FANCI: variants seen among roughly 807,000 people sequenced by gnomAD.
FANCI encodes Fanconi anemia group I protein.
A neutral mutation model predicts 176.1 loss-of-function variants in FANCI; 156 were observed. The observed-to-expected ratio is 0.89, with a 90% CI of 0.78 to 1.01. The LOEUF is 1.01. Among genes scored for constraint, FANCI ranks in the 50% least tolerant of loss-of-function variants. The probability of loss-of-function intolerance (pLI) is 0.00; values close to 1 mark genes in which losing one functional copy is unlikely to be tolerated. For missense variants in FANCI, 1,678 were observed against 1,534.1 expected (o/e 1.09, Z -1.57); for synonymous variants, 613 against 541.7 (o/e 1.13, Z -1.83).
intron 12 of FANCI, among the ~76,000 whole-genome samples, chr15:89,275,451 T>A (rs1428890128): frequency 6.6e-6 from 1 of 152,190 alleles, no homozygotes; most frequent in Non-Finnish European, 1.5e-5. Context: ...TCACTGTGTA[T>A]TAAATATATT....
At chr15:89,297,267 C>CT (rs2054331222) in intron 24 of FANCI, among the ~76,000 whole-genome samples, 3 of 151,722 alleles carry the variant, frequency 2.0e-5, no homozygotes, top group Non-Finnish European at 4.4e-5. Context: ...CTCCTCACTT[C>CT]CCAGATGGGA....
intron 3 of FANCI, 48 bp from the exon 4 acceptor site, chr15:89,260,665 G>A: frequency 6.2e-7 from 1 of 1,608,192 alleles, no homozygotes; most frequent in Non-Finnish European, 8.5e-7. Flanking sequence ...CTATTTACCT[G>A]TCAATGTTGT....
At chr15:89,290,655 A>G (rs1215164318) in intron 19 of FANCI, 2 of 224,010 alleles carry the variant, frequency 8.9e-6, no homozygotes, top group Admixed American at 5.1e-5. Flanking sequence ...TAATGGATAC[A>G]TGGATGTCTT....
chr15:89,280,605 C>T (rs921800637), intron 14 of FANCI, among the ~76,000 whole-genome samples: 1 of 151,978 alleles, frequency 6.6e-6, no homozygotes, highest in African/African-American at 2.4e-5. Flanking sequence ...TAATATATAC[C>T]AACTCATAAT....
chr15:89,269,689 C>T (rs936554606), intron 10 of FANCI, among the ~76,000 whole-genome samples: 13 of 152,164 alleles, frequency 8.5e-5, no homozygotes, highest in African/African-American at 2.2e-4. Context: ...CTCAGCTTTA[C>T]GGTTCCAGCA....
At chr15:89,274,409 C>T (rs927448917) in intron 12 of FANCI, 105 bp downstream of exon 12, 2 of 1,264,750 alleles carry the variant, frequency 1.6e-6, no homozygotes, top group South Asian at 2.5e-5. Context: ...GATGACTTAA[C>T]AGCTGTTGAC....
At chr15:89,284,736 G>A (rs1373146467) in intron 17 of FANCI, among the ~76,000 whole-genome samples, 1 of 152,178 alleles carries the variant, frequency 6.6e-6, no homozygotes, top group East Asian at 1.9e-4. Flanking sequence ...GGAATAGTGA[G>A]ATTCTTCTAG....
rs754213871 is a variant in FANCI, at chr15:89,293,933, A to G, written c.2392A>G (p.Asn798Asp). 1 of 1,614,190 alleles carries G rather than the reference A, an allele frequency of 6.2e-7. No individual in the cohort carries two copies. The highest frequency in any genetic ancestry group is 8.5e-7 in the Non-Finnish European group (1 of 1,180,032). Residue 798 changes from asparagine to aspartate, a missense_variant, in exon 23 of 38, where the codon AAC (asparagine) becomes GAC (aspartate). By Grantham distance (23) the Asn-to-Asp change is conservative. Transcript: ENST00000310775. Reference protein sequence around the residue: ...KAGKAKTKMANKTSDSLLSMK... With the variant: ...KAGKAKTKMADKTSDSLLSMK... ...GGGTAAAGCCAAAACTAAAATGGCCAACAAGACAAGTGATAGTCTTTTGTC... is the reference window on the plus strand; with the variant it reads ...GGGTAAAGCCAAAACTAAAATGGCCGACAAGACAAGTGATAGTCTTTTGTC...
At chr15:89,245,077 A>C (rs965393381) in intron 1 of FANCI, 1 of 152,234 alleles carries the variant, frequency 6.6e-6, no homozygotes, top group African/African-American at 2.4e-5. Context: ...GTAATATTAA[A>C]AATTGGTGAC....
intron 37 of FANCI, 77 bp from the exon 38 acceptor site, chr15:89,316,320 T>G: frequency 7.1e-7 from 1 of 1,413,872 alleles, no homozygotes; most frequent in Non-Finnish European, 9.8e-7. Context: ...AGATAGAGTC[T>G]TTTTTTTCCT....
At chr15:89,247,515 G>T (rs935572537) in intron 1 of FANCI, 114 bp from the exon 2 acceptor site, 2 of 775,474 alleles carry the variant, frequency 2.6e-6, no homozygotes, top group Admixed American at 1.8e-5. Context: ...TCCTAAGTTT[G>T]TTGAGCACCC....
chr15:89,301,403 T>C lies in FANCI; in HGVS notation c.2967T>C (p.Leu989=). Residue 989 remains leucine (L), a synonymous_variant, in exon 27 of 38, where the codon CTT becomes CTC. Transcript: ENST00000310775. ...SKEALLLVTV[L]TSLSKLLEPS... is the part of the protein sequence containing the mutation. Reference sequence around the variant, plus strand: ...AAGCCCTCCTGCTAGTCACGGTTCTTACCAGTTTGTCCAAGTTACTGGAGC... The same window carrying C: ...AAGCCCTCCTGCTAGTCACGGTTCTCACCAGTTTGTCCAAGTTACTGGAGC... 1 of 1,613,856 alleles carries C rather than the reference T, an allele frequency of 6.2e-7. No homozygotes were observed. Among genetic ancestry groups the C allele is most frequent in the Middle Eastern group, 1.6e-4 (1 of 6,062 alleles).
chr15:89,311,893 T>A (rs1490545513), intron 34 of FANCI, among the ~76,000 whole-genome samples: 3 of 152,158 alleles, frequency 2.0e-5, no homozygotes, highest in Non-Finnish European at 2.9e-5. Flanking sequence ...TACCTTACAT[T>A]TGGGTGGTTT....
chr15:89,255,787 TGTA>T (rs1250137676), intron 2 of FANCI, among the ~76,000 whole-genome samples: 6 of 152,196 alleles, frequency 3.9e-5, no homozygotes, highest in Non-Finnish European at 8.8e-5. Flanking sequence ...AGTTTTAAAA[TGTA>T]GTAAAAAGCA....
At position 89,306,036 on chromosome 15, in the gene FANCI, A is replaced by G. The variant is rs878854179; in HGVS notation, c.3379A>G (p.Asn1127Asp). The G allele has an allele frequency of 1.2e-6, 2 of 1,614,088 alleles. No individual in the cohort carries two copies. Among genetic ancestry groups the G allele is most frequent in the Admixed American group, 1.7e-5 (1 of 60,006 alleles). ...GGCCTCTTCTCAGGCAACCCTACCA[A>G]ATCAGCCTGTTGAGAAAGCTATCAT... Reference protein sequence around the residue: ...EEASSQATLPNQPVEKAIIMQ... With the variant: ...EEASSQATLPDQPVEKAIIMQ... The change falls in exon 32 of 38, where the codon AAT (asparagine) becomes GAT (aspartate). Residue 1127 changes from asparagine (N) to aspartate (D), a missense_variant. Around this residue, in one of 3 missense-constraint regions of FANCI, gnomAD observed 1,204 missense variants for 1,077.4 expected, o/e 1.12. Coordinates refer to ENST00000310775, the MANE Select transcript of FANCI (RefSeq NM_001113378.2).
At chr15:89,261,928 A>G (rs777039762) in intron 6 of FANCI, 50 bp downstream of exon 6, 2 of 1,558,890 alleles carry the variant, frequency 1.3e-6, no homozygotes, top group Non-Finnish European at 1.8e-6. Flanking sequence ...AGTGGCGGAA[A>G]AAAAACCACT....
chr15:89,300,305 A>G lies in FANCI; in HGVS notation c.2809A>G (p.Thr937Ala), dbSNP rs1438167581. The G allele has an allele frequency of 1.2e-6, 2 of 1,613,442 alleles. No individual in the cohort carries two copies. Among genetic ancestry groups the G allele is most frequent in the East Asian group, 4.5e-5 (2 of 44,878 alleles). ...IQQFLRALDV[T>A]DKEGEEREDA... ...AGTTTCTTTTCCATTCCTAGATGTC[A>G]CAGATAAGGAAGGAGAAGAGAGAGA... Residue 937 changes from threonine (T) to alanine (A), a missense_variant, in exon 26 of 38, where the codon ACA (threonine) becomes GCA (alanine). Thr to Ala is a moderately conservative substitution (Grantham distance 58, BLOSUM62 0). Transcript: ENST00000310775.
At chr15:89,295,165 CAG>C in intron 24 of FANCI, 71 bp downstream of exon 24, 2 of 1,475,834 alleles carry the variant, frequency 1.4e-6, no homozygotes, top group African/African-American at 2.9e-5. Flanking sequence ...AAACTGGGAA[CAG>C]AGGATGAAGG....
At chr15:89,261,478 T>G (rs530294559) in intron 4 of FANCI, 107 bp from the exon 5 acceptor site, 14 of 1,392,450 alleles carry the variant, frequency 1.0e-5, no homozygotes, top group Non-Finnish European at 1.3e-5. Context: ...GGACCAGTTC[T>G]GGATCTCGGT....
Sources: allele counts gnomAD v4.1 joint callset (sites outside exome capture counted in the v4.1 genomes callset), GRCh38; gene constraint gnomAD v4.1.1; regional missense constraint gnomAD v4.1.1; transcripts MANE v1.5; gene names NCBI Gene and HGNC (gene_info 2026-07-23, HGNC 2026-07-21).